ANO10: variants seen among roughly 807,000 people sequenced by gnomAD.
ANO10 encodes the protein anoctamin 10, also known as anoctamin-10.
Under a neutral mutation model 74.7 loss-of-function variants are expected in ANO10, and 77 were observed. That is an observed-to-expected ratio of 1.03 (90% confidence interval 0.86 to 1.25). The LOEUF is 1.25. ANO10 is among the 50% of genes most tolerant of loss of function. The pLI is 0.00. For missense variants in ANO10, 721 were observed against 778.1 expected (o/e 0.93, Z 0.87); for synonymous variants, 279 against 284.9 (o/e 0.98, Z 0.21).
At chr3:43,565,824 G>T in intron 7 of ANO10, 97 bp from the exon 8 acceptor site, 1 of 1,362,368 alleles carries the variant, frequency 7.3e-7, no homozygotes, top group East Asian at 2.5e-5. Context: ...AATGGGAGCG[G>T]GGAGGAGCCA....
chr3:43,586,068 G>A (rs2081468530), intron 4 of ANO10, among the ~76,000 whole-genome samples: 1 of 152,080 alleles, frequency 6.6e-6, no homozygotes, highest in South Asian at 2.1e-4. Flanking sequence ...TGCAAACCTG[G>A]GCCAAGCACA....
chr3:43,609,327 G>T (rs967130803), intron 1 of ANO10, among the ~76,000 whole-genome samples: 4 of 152,130 alleles, frequency 2.6e-5, no homozygotes, highest in Non-Finnish European at 5.9e-5. Context: ...AACAGTTCAA[G>T]ATAAAATGAC....
chr3:43,641,309 A>G (rs2083667853), intron 1 of ANO10, among the ~76,000 whole-genome samples: 1 of 152,222 alleles, frequency 6.6e-6, no homozygotes, highest in Non-Finnish European at 1.5e-5. Flanking sequence ...CTGTTATGGT[A>G]GACATATCAC....
chr3:43,570,531 A>G (rs1245712471), intron 7 of ANO10, among the ~76,000 whole-genome samples: 13 of 152,176 alleles, frequency 8.5e-5, no homozygotes, highest in African/African-American at 1.2e-4. Context: ...ATAACGCCGC[A>G]TATCTACAAC....
intron 12 of ANO10, among the ~76,000 whole-genome samples, chr3:43,370,541 C>A (rs2091572167): frequency 7.6e-6 from 1 of 131,848 alleles, no homozygotes; most frequent in Non-Finnish European, 1.6e-5. Context: ...CCTTAACAAA[C>A]CTGGCTGGAG....
intron 12 of ANO10, among the ~76,000 whole-genome samples, chr3:43,415,695 C>A (rs1173163321): frequency 1.3e-5 from 2 of 152,072 alleles, no homozygotes; most frequent in Non-Finnish European, 1.5e-5. Flanking sequence ...GTGCACAGCA[C>A]CACGTCTGGC....
chr3:43,417,226 AACT>A (rs2092753171), intron 12 of ANO10, among the ~76,000 whole-genome samples: 1 of 152,224 alleles, frequency 6.6e-6, no homozygotes. Context: ...AGAAGGAAAG[AACT>A]ACCTGGGACT....
intron 11 of ANO10, among the ~76,000 whole-genome samples, chr3:43,445,048 G>C (rs190632662): frequency 1.5e-4 from 23 of 151,208 alleles, no homozygotes; most frequent in Non-Finnish European, 2.8e-4. Context: ...GCATGAACCC[G>C]GGAGGAGGAG....
At position 43,524,080 on chromosome 3, in the gene ANO10, G is replaced by A. The variant is rs376759686; in HGVS notation, c.1797+25640C>T. Among the ~76,000 whole-genome samples the A allele has an allele frequency of 4.6e-5, 7 of 152,282 alleles. No homozygotes were observed. The East Asian group carries it at 5.8e-4, about 13-fold the overall frequency. On this transcript the variant is annotated intron_variant, in intron 11 of 12. Coordinates refer to ENST00000292246, the MANE Select transcript of ANO10 (RefSeq NM_018075.5). Reference sequence around the variant, plus strand: ...GCACAGGGGCTACAGTGGAAGCCACGGAGATGAGCAGATGAGTTTAACCAA... The same window carrying A: ...GCACAGGGGCTACAGTGGAAGCCACAGAGATGAGCAGATGAGTTTAACCAA...
chr3:43,578,902 T>C (rs1270214431), intron 5 of ANO10, among the ~76,000 whole-genome samples: 1 of 152,102 alleles, frequency 6.6e-6, no homozygotes, highest in African/African-American at 2.4e-5. Flanking sequence ...TTGTATGACC[T>C]GGAATTAACA....
chr3:43,459,426 G>C (rs933511669), intron 11 of ANO10, among the ~76,000 whole-genome samples: 1 of 152,178 alleles, frequency 6.6e-6, no homozygotes, highest in Non-Finnish European at 1.5e-5. Flanking sequence ...ATAGTCTTCT[G>C]TGAAGAGGCT....
chr3:43,691,018 A>C, intron 1 of ANO10: 2 of 1,563,180 alleles, frequency 1.3e-6, no homozygotes, highest in East Asian at 2.6e-5. Context: ...GAGGAGGTGG[A>C]CTCTGCCGAC....
Position 43,584,772 on chromosome 3 carries a change from G to A in ANO10, c.473-4300C>T, listed in dbSNP as rs565546921. 4.9e-4 allele frequency among the ~76,000 whole-genome samples: 74 copies of A among 151,860 alleles called. 1 individual carries two copies. The highest frequency in any genetic ancestry group is 7.3e-5 in the African/African-American group (3 of 41,220). ...AACTTGGTATCTACTTAATGAAAGCGTTCTATCAAAACACAACATTACAGC... is the reference window on the plus strand; with the variant it reads ...AACTTGGTATCTACTTAATGAAAGCATTCTATCAAAACACAACATTACAGC... On this transcript the variant is annotated intron_variant, in intron 4 of 12. Transcript: ENST00000292246.
chr3:43,452,622 T>C (rs548945181), intron 11 of ANO10, among the ~76,000 whole-genome samples: 187 of 152,382 alleles, frequency 1.2e-3, no homozygotes, highest in Non-Finnish European at 2.5e-3. Flanking sequence ...CTATCACGAA[T>C]AATGCTGCTA....
At chr3:43,405,644 T>C (rs1336914510) in intron 12 of ANO10, among the ~76,000 whole-genome samples, 2 of 151,974 alleles carry the variant, frequency 1.3e-5, no homozygotes, top group Non-Finnish European at 2.9e-5. Flanking sequence ...CGGTTAATTT[T>C]TGTATTTTTT....
At chr3:43,405,122 C>T (rs1433276744) in intron 12 of ANO10, among the ~76,000 whole-genome samples, 1 of 152,152 alleles carries the variant, frequency 6.6e-6, no homozygotes, top group Non-Finnish European at 1.5e-5. Flanking sequence ...CTAACATGTC[C>T]TTTTAATCTT....
chr3:43,614,674 G>A (rs1404507624), intron 1 of ANO10, among the ~76,000 whole-genome samples: 1 of 150,598 alleles, frequency 6.6e-6, no homozygotes, highest in Non-Finnish European at 1.5e-5. Flanking sequence ...CCAGAAAGCA[G>A]AGAGGCAGCA....
At chr3:43,654,255 C>A (rs1334646269) in intron 1 of ANO10, among the ~76,000 whole-genome samples, 1 of 152,056 alleles carries the variant, frequency 6.6e-6, no homozygotes, top group Non-Finnish European at 1.5e-5. Flanking sequence ...GGAAAAAATC[C>A]CAATAGGATG....
intron 1 of ANO10, among the ~76,000 whole-genome samples, chr3:43,609,209 T>C (rs1467579288): frequency 1.3e-5 from 2 of 152,132 alleles, no homozygotes; most frequent in Non-Finnish European, 2.9e-5. Context: ...AGCTTAAAAC[T>C]AGAGAAAATA....
Sources: allele counts gnomAD v4.1 joint callset (sites outside exome capture counted in the v4.1 genomes callset), GRCh38; gene constraint gnomAD v4.1.1; transcripts MANE v1.5; gene names NCBI Gene and HGNC (gene_info 2026-07-23, HGNC 2026-07-21).